ACOT7: variants seen among roughly 807,000 people sequenced by gnomAD.
ACOT7 encodes the protein acyl-CoA thioesterase 7.
A neutral mutation model predicts 40.2 loss-of-function variants in ACOT7; 12 were observed. That is an observed-to-expected ratio of 0.30 (90% CI 0.19 to 0.48). The LOEUF (loss-of-function observed/expected upper bound fraction) is 0.48. ACOT7 is among the 20% of genes least tolerant of loss of function. The probability of loss-of-function intolerance (pLI) is 0.99; values close to 1 mark genes in which losing one functional copy is unlikely to be tolerated. For synonymous variants in ACOT7, 228 were observed against 219.5 expected (o/e 1.04, Z -0.34); for missense variants, 395 against 530.8 (o/e 0.74, Z 2.51).
intron 1 of ACOT7, among the ~76,000 whole-genome samples, chr1:6,372,528 T>A (rs1466594375): frequency 6.6e-6 from 1 of 151,412 alleles, no homozygotes; most frequent in Non-Finnish European, 1.5e-5. Flanking sequence ...CATGCCTTCC[T>A]AAGTTTAATC....
At chr1:6,368,517 C>T (rs931084446) in intron 1 of ACOT7, among the ~76,000 whole-genome samples, 29 of 152,172 alleles carry the variant, frequency 1.9e-4, no homozygotes, top group Admixed American at 1.4e-3. Context: ...TCTCTGCCCG[C>T]ACCTCCATGC....
chr1:6,293,180 C>A (rs1049888604), intron 7 of ACOT7, among the ~76,000 whole-genome samples: 1 of 152,176 alleles, frequency 6.6e-6, no homozygotes, highest in Non-Finnish European at 1.5e-5. Context: ...TGAGCCACAG[C>A]GCTCAGCCAG....
intron 2 of ACOT7, among the ~76,000 whole-genome samples, chr1:6,349,476 G>A (rs942421848): frequency 2.0e-5 from 3 of 152,254 alleles, no homozygotes; most frequent in Admixed American, 6.5e-5. Context: ...GTTGGCGGGG[G>A]ACTCGGCATG....
At chr1:6,279,915 T>G (rs1357364458) in intron 8 of ACOT7, among the ~76,000 whole-genome samples, 1 of 152,166 alleles carries the variant, frequency 6.6e-6, no homozygotes, top group Non-Finnish European at 1.5e-5. Flanking sequence ...CTCAGCCATG[T>G]GGGGAAGCGA....
intron 1 of ACOT7, among the ~76,000 whole-genome samples, chr1:6,363,402 T>C (rs1466992606): frequency 6.6e-6 from 1 of 152,024 alleles, no homozygotes; most frequent in Non-Finnish European, 1.5e-5. Context: ...CTCCTCCACC[T>C]CTTGTGGAGG....
intron 6 of ACOT7, among the ~76,000 whole-genome samples, chr1:6,298,422 A>G (rs1410308577): frequency 6.6e-6 from 1 of 152,222 alleles, no homozygotes; most frequent in African/African-American, 2.4e-5. Context: ...GGTGTGAGCT[A>G]CTGCGCCCAG....
chr1:6,390,014 G>C (rs1002835186), intron 1 of ACOT7, among the ~76,000 whole-genome samples: 3 of 152,172 alleles, frequency 2.0e-5, no homozygotes, highest in Non-Finnish European at 2.9e-5. Flanking sequence ...AGGCCAGGAG[G>C]CTCCTCTTTC....
intron 1 of ACOT7, among the ~76,000 whole-genome samples, chr1:6,378,299 C>T (rs1642274171): frequency 6.6e-6 from 1 of 151,654 alleles, no homozygotes; most frequent in Admixed American, 6.6e-5. Flanking sequence ...CCGGGGTGCT[C>T]CTCGATAGCG....
rs965868544 is a variant in ACOT7, at chr1:6,288,212, G to A, written c.829+6652C>T. ...TCCCCTGTGCTGGTCCCCTGGGTGCGGGCTCCAGCCTGTCGTGGCCCTCGC... is the reference window on the plus strand; with the variant it reads ...TCCCCTGTGCTGGTCCCCTGGGTGCAGGCTCCAGCCTGTCGTGGCCCTCGC... On this transcript the variant is annotated intron_variant, in intron 7 of 8. Transcript: ENST00000361521. The surrounding 1 kb of genome is among the most constrained non-coding windows in gnomAD (Gnocchi z 4.3). Among the ~76,000 whole-genome samples, 6 of 152,208 alleles carry A rather than the reference G, an allele frequency of 3.9e-5. No homozygotes were observed. The highest frequency in any genetic ancestry group is 6.5e-5 in the Admixed American group (1 of 15,288).
In ACOT7 at chr1:6,330,057, T is replaced by TGTGTGTGTG. The variant is rs1402976999; in HGVS notation, c.511-2653_511-2645dup. On this transcript the variant is annotated intron_variant, in intron 4 of 8. Coordinates refer to ENST00000361521, the MANE Select transcript of ACOT7 (RefSeq NM_007274.4). The surrounding 1 kb of genome is among the most constrained non-coding windows in gnomAD (Gnocchi z 4.6). ...GACGCACACATCCAGGAAACCAGTG[T>TGTGTGTGTG]GTGTGTGTGGTGTGTGTGTGTGTGT... Among the ~76,000 whole-genome samples the TGTGTGTGTG allele has an allele frequency of 2.0e-5, 3 of 152,122 alleles. No individual in the cohort carries two copies. The highest frequency in any genetic ancestry group is 7.2e-5 in the African/African-American group (3 of 41,422).
At position 6,358,913 on chromosome 1, in the gene ACOT7, T is replaced by C. The variant is rs540594863; in HGVS notation, c.144-9047A>G. ...GGAGCAGGGAAGCATCACAGAGTCC[T>C]TGCCTGACCCAGGACTGTCCCAGCT... On this transcript the variant is annotated intron_variant, in intron 1 of 8. Coordinates refer to ENST00000361521, the MANE Select transcript of ACOT7 (RefSeq NM_007274.4). This position sits in a 1 kb window ranked among gnomAD's most constrained non-coding sequence, Gnocchi z 4.1. The C allele has an allele frequency of 1.8e-5, 28 of 1,598,176 alleles. No homozygotes were observed. In the East Asian group the frequency reaches 6.4e-4, roughly 37 times the overall value.
At chr1:6,375,355 T>C (rs554749749) in intron 1 of ACOT7, among the ~76,000 whole-genome samples, 141 of 150,192 alleles carry the variant, frequency 9.4e-4, no homozygotes, top group Non-Finnish European at 1.7e-3. Context: ...ATCTAAAATA[T>C]ACAAAGAAAT....
Position 6,311,242 on chromosome 1 carries a change from C to G in ACOT7, c.712+7250G>C, listed in dbSNP as rs956075072. On this transcript the variant is annotated intron_variant, in intron 6 of 8. Coordinates refer to ENST00000361521, the MANE Select transcript of ACOT7 (RefSeq NM_007274.4). The surrounding 1 kb of genome is among the most constrained non-coding windows in gnomAD (Gnocchi z 5.2). ...AGTTTTTACTCAGAGCCGATGTGAT[C>G]AGTAAACGTTGAGGTTCTTTTCTAA... Among the ~76,000 whole-genome samples the G allele has an allele frequency of 1.4e-4, 22 of 152,190 alleles. No homozygotes were observed. The highest frequency in any genetic ancestry group is 2.8e-4 in the Non-Finnish European group (19 of 68,028).
At chr1:6,337,703 G>A (rs1472757175) in intron 3 of ACOT7, among the ~76,000 whole-genome samples, 4 of 152,090 alleles carry the variant, frequency 2.6e-5, no homozygotes, top group South Asian at 4.2e-4. Context: ...GGCTGGGCTC[G>A]GTGGCTCATG....
intron 6 of ACOT7, among the ~76,000 whole-genome samples, chr1:6,316,904 T>G (rs1454590368): frequency 1.3e-5 from 2 of 152,184 alleles, no homozygotes; most frequent in African/African-American, 4.8e-5. Context: ...TTTGACTCTC[T>G]GTGGGTGCTG....
rs866126195 is a variant in ACOT7, at chr1:6,299,672, G to A, written c.713-4692C>T. On this transcript the variant is annotated intron_variant, in intron 6 of 8. Coordinates refer to ENST00000361521, the MANE Select transcript of ACOT7 (RefSeq NM_007274.4). The surrounding 1 kb of genome is among the most constrained non-coding windows in gnomAD (Gnocchi z 4.1). The stretch of plus-strand genomic sequence containing the variant: ...AGAGAGAGAGAGAGCGCAAGTGTGT[G>A]TGTGTGTGTGTGTGTGTGTAGGGCA... Among the ~76,000 whole-genome samples, 10 of 152,200 alleles carry A rather than the reference G, an allele frequency of 6.6e-5. No homozygotes were observed. Among genetic ancestry groups the A allele is most frequent in the Middle Eastern group, 3.4e-3 (1 of 292 alleles).
At chr1:6,315,219 GC>G (rs770966608) in intron 6 of ACOT7, among the ~76,000 whole-genome samples, 9 of 152,284 alleles carry the variant, frequency 5.9e-5, no homozygotes, top group South Asian at 2.1e-4. Context: ...CGGGACTCGG[GC>G]GCAGCTTTGC....
chr1:6,352,732 G>A lies in ACOT7; in HGVS notation c.144-2866C>T, dbSNP rs1183643862. On this transcript the variant is annotated intron_variant, in intron 1 of 8. Coordinates refer to ENST00000361521, the MANE Select transcript of ACOT7 (RefSeq NM_007274.4). This position sits in a 1 kb window ranked among gnomAD's most constrained non-coding sequence, Gnocchi z 4.5. ...CGAGTAGCTGGCACTACAGGCGCCC[G>A]CCACCACGCCCGGCTAATTTTTTGC... 6.7e-6 allele frequency among the ~76,000 whole-genome samples: 1 copy of A among 150,326 alleles called. No homozygotes were observed. The highest frequency in any genetic ancestry group is 2.1e-4 in the South Asian group (1 of 4,754).
chr1:6,392,694 C>A (rs954939457), intron 1 of ACOT7, among the ~76,000 whole-genome samples: 2 of 152,252 alleles, frequency 1.3e-5, no homozygotes, highest in Admixed American at 1.3e-4. Context: ...TGCCCTCCCC[C>A]AAACCGAAGC....
Sources: allele counts gnomAD v4.1 joint callset (sites outside exome capture counted in the v4.1 genomes callset), GRCh38; gene constraint gnomAD v4.1.1; non-coding constraint Gnocchi (gnomAD v3.1); transcripts MANE v1.5; gene names NCBI Gene and HGNC (gene_info 2026-07-23, HGNC 2026-07-21).